JARID2: variants seen among roughly 807,000 people sequenced by gnomAD.
JARID2 encodes jumonji and AT-rich interaction domain containing 2.
A neutral mutation model predicts 125.6 loss-of-function variants in JARID2; 21 were observed. The observed-to-expected ratio is 0.17, with a 90% confidence interval of 0.12 to 0.24. JARID2 has a LOEUF of 0.24. Ranked by LOEUF, JARID2 falls within the 10% of genes least tolerant of loss-of-function variation. The pLI, the probability that JARID2 is intolerant of heterozygous loss-of-function variation, is 1.00. For synonymous variants in JARID2, 736 were observed against 661.6 expected (o/e 1.11, Z -1.73); for missense variants, 1,303 against 1,639.6 (o/e 0.79, Z 3.55).
intron 5 of JARID2, among the ~76,000 whole-genome samples, chr6:15,481,270 A>G (rs1383834389): frequency 6.6e-6 from 1 of 152,234 alleles, no homozygotes; most frequent in African/African-American, 2.4e-5. Flanking sequence ...ATGTAAAGCT[A>G]TTTGTATCTG....
At chr6:15,347,688 T>C (rs1023369475) in intron 1 of JARID2, among the ~76,000 whole-genome samples, 4 of 152,210 alleles carry the variant, frequency 2.6e-5, no homozygotes, top group African/African-American at 9.6e-5. Context: ...TTGGTGGTGA[T>C]GGCTCAAAAA....
In JARID2 at chr6:15,378,181, C is replaced by T. The variant is rs1438773894; in HGVS notation, c.181+3929C>T. Among the ~76,000 whole-genome samples, 12 of 147,554 alleles carry T rather than the reference C, an allele frequency of 8.1e-5. No homozygotes were observed. In the South Asian group the frequency reaches 2.0e-3, roughly 24 times the overall value. The stretch of plus-strand genomic sequence containing the variant: ...GGATTACAGGGGTGAGCCACCCCAC[C>T]CGGCCCTCAATTTTTAATTTTTTTT... On this transcript the variant is annotated intron_variant, in intron 2 of 17. Transcript: ENST00000341776.
chr6:15,264,903 A>G (rs769189434), intron 1 of JARID2, among the ~76,000 whole-genome samples: 1 of 152,176 alleles, frequency 6.6e-6, no homozygotes, highest in Admixed American at 6.5e-5. Context: ...CTAGGTTAAC[A>G]ATGATAGTCT....
At chr6:15,460,202 C>G (rs1421526610) in intron 4 of JARID2, among the ~76,000 whole-genome samples, 2 of 152,078 alleles carry the variant, frequency 1.3e-5, no homozygotes, top group Non-Finnish European at 2.9e-5. Flanking sequence ...TTTTTGAGGT[C>G]TGAGGAGGGG....
At chr6:15,416,558 C>G (rs1020362123) in intron 3 of JARID2, among the ~76,000 whole-genome samples, 22 of 149,530 alleles carry the variant, frequency 1.5e-4, no homozygotes, top group Non-Finnish European at 3.0e-4. Flanking sequence ...CGTGGTGGCG[C>G]GCGCCTGCAA....
rs768843433 is a variant in JARID2 at position 15,497,037 on chromosome 6, G to C, written c.1812G>C (p.Glu604Asp). 2 of 1,612,758 alleles carry C rather than the reference G, an allele frequency of 1.2e-6. No individual in the cohort carries two copies. Among genetic ancestry groups the C allele is most frequent in the African/African-American group, 1.3e-5 (1 of 75,042 alleles). ...GGCCCGAGTGCAAGCTCAACGATGA[G>C]ATGCGGTTTGTCACGCAGATTCAGC... Reference protein sequence around the residue: ...DWRPECKLNDEMRFVTQIQHI... With the variant: ...DWRPECKLNDDMRFVTQIQHI... The change falls in exon 7 of 18, where the codon GAG (glutamate) becomes GAC (aspartate). Residue 604 changes from glutamate to aspartate, a missense_variant. Physicochemically the swap from Glu to Asp is conservative, Grantham distance 45. Transcript: ENST00000341776.
At chr6:15,431,552 G>A (rs1350964935) in intron 3 of JARID2, among the ~76,000 whole-genome samples, 2 of 152,216 alleles carry the variant, frequency 1.3e-5, no homozygotes, top group Non-Finnish European at 2.9e-5. Context: ...TACTTTTAGT[G>A]TAAACAAGCT....
chr6:15,415,412 C>T (rs994443345), intron 3 of JARID2, among the ~76,000 whole-genome samples: 1 of 151,642 alleles, frequency 6.6e-6, no homozygotes, highest in Non-Finnish European at 1.5e-5. Flanking sequence ...CGCCCCTCAC[C>T]TCCCAGACGG....
At chr6:15,444,996 G>A (rs974469373) in intron 3 of JARID2, among the ~76,000 whole-genome samples, 12 of 151,944 alleles carry the variant, frequency 7.9e-5, no homozygotes, top group Non-Finnish European at 1.3e-4. Flanking sequence ...GCCCTTCTTG[G>A]GTTTGCAGGC....
At chr6:15,280,993 G>A (rs564132038) in intron 1 of JARID2, among the ~76,000 whole-genome samples, 7 of 152,218 alleles carry the variant, frequency 4.6e-5, no homozygotes, top group African/African-American at 1.7e-4. Context: ...ATACGCTTGC[G>A]TTATTACTAG....
intron 9 of JARID2, 30 bp from the exon 10 acceptor site, chr6:15,507,106 T>TG: frequency 7.0e-7 from 1 of 1,429,986 alleles, no homozygotes; most frequent in East Asian, 2.3e-5. Context: ...ACCTTAGGGG[T>TG]GCTGACCAGC....
intron 1 of JARID2, among the ~76,000 whole-genome samples, chr6:15,287,634 G>A (rs1353086191): frequency 2.0e-5 from 3 of 152,196 alleles, no homozygotes; most frequent in Admixed American, 6.5e-5. Flanking sequence ...CAAGTTCACA[G>A]ACTTCAGAAC....
chr6:15,391,615 C>A (rs1341486680), intron 2 of JARID2, among the ~76,000 whole-genome samples: 1 of 152,188 alleles, frequency 6.6e-6, no homozygotes, highest in Non-Finnish European at 1.5e-5. Context: ...ACTTTGCAAT[C>A]TGTCAAATCA....
At chr6:15,514,119 T>A (rs528216885) in intron 16 of JARID2, among the ~76,000 whole-genome samples, 79 of 152,330 alleles carry the variant, frequency 5.2e-4, no homozygotes, top group African/African-American at 1.9e-3. Flanking sequence ...TGCTCACCCC[T>A]GTTCCAGCCC....
chr6:15,482,621 TGTTGCAGTACATAGTTTG>T (rs1221544901), intron 5 of JARID2, among the ~76,000 whole-genome samples: 1 of 152,184 alleles, frequency 6.6e-6, no homozygotes, highest in Non-Finnish European at 1.5e-5. Context: ...ATCTCTTGAG[TGTTGCAGTACATAGTTTG>T]GTTGATGTAT....
At chr6:15,365,033 A>C (rs1763926939) in intron 1 of JARID2, among the ~76,000 whole-genome samples, 1 of 152,238 alleles carries the variant, frequency 6.6e-6, no homozygotes, top group South Asian at 2.1e-4. Flanking sequence ...GGCATTAGTG[A>C]TTAAAAGATC....
At chr6:15,363,462 A>T (rs1286642412) in intron 1 of JARID2, among the ~76,000 whole-genome samples, 1 of 152,138 alleles carries the variant, frequency 6.6e-6, no homozygotes, top group African/African-American at 2.4e-5. Flanking sequence ...AGAATTCCAG[A>T]ATTGGAATCC....
chr6:15,496,737 C>T lies in JARID2; in HGVS notation c.1512C>T (p.Ala504=), dbSNP rs28512363. ...LERNRPKRAT[A]GKSTPGRQAH... is the part of the protein sequence containing the mutation. Reference sequence around the variant, plus strand: ...GGAATCGGCCGAAGCGGGCCACGGCCGGGAAGAGCACGCCAGGCAGACAAG... The same window carrying T: ...GGAATCGGCCGAAGCGGGCCACGGCTGGGAAGAGCACGCCAGGCAGACAAG... The change falls in exon 7 of 18, where the codon GCC becomes GCT. Residue 504 remains alanine (A), a synonymous_variant. Transcript: ENST00000341776. 7.4e-6 allele frequency: 12 copies of T among 1,613,608 alleles called. No homozygotes were observed. The highest frequency in any genetic ancestry group is 1.6e-4 in the Middle Eastern group (1 of 6,084).
At chr6:15,280,716 C>T (rs1267754050) in intron 1 of JARID2, among the ~76,000 whole-genome samples, 1 of 151,132 alleles carries the variant, frequency 6.6e-6, no homozygotes, top group Non-Finnish European at 1.5e-5. Flanking sequence ...GCAGCCTCTG[C>T]CTCCTGAGTT....
Sources: gnomAD v4.1 joint callset for allele counts (sites outside exome capture counted in the v4.1 genomes callset) on GRCh38, gnomAD v4.1.1 for gene constraint, MANE v1.5 for transcripts, NCBI Gene and HGNC (gene_info 2026-07-23, HGNC 2026-07-21) for gene names.